Variants in HSBP1L1 observed in about 807,000 individuals in gnomAD.
HSBP1L1 encodes the protein heat shock factor-binding protein 1-like protein 1.
A neutral mutation model predicts 9.7 loss-of-function variants in HSBP1L1; 8 were observed. That is an observed-to-expected ratio of 0.82 (90% CI 0.48 to 1.48). The LOEUF (loss-of-function observed/expected upper bound fraction) is 1.48. Among genes scored for constraint, HSBP1L1 ranks in the 40% most tolerant of loss-of-function variants. HSBP1L1 has a pLI of 0.00. For missense variants in HSBP1L1, 106 were observed against 95.8 expected, an observed-to-expected ratio of 1.11 and a Z score of -0.44; for synonymous variants, 39 against 34.4, an observed-to-expected ratio of 1.13 and a Z score of -0.46.
chr18:79,964,707 C>G lies in HSBP1L1; in HGVS notation c.-29C>G. ...CGGGTCCGCGCGGCCCACGGGACCC[C>G]CCACTGACGCCCCCGGCCAGCGGTC... On this transcript the variant is annotated 5_prime_UTR_variant, in exon 1 of 4. Coordinates refer to ENST00000451882, the MANE Select transcript of HSBP1L1 (RefSeq NM_001136180.2). The G allele has an allele frequency of 7.3e-7, 1 of 1,362,194 alleles. No homozygotes were observed. The highest frequency in any genetic ancestry group is 1.5e-5 in the South Asian group (1 of 68,682). The allele number at this position is 1,362,194 out of a possible 1,614,324, so 84.4% of individuals were successfully genotyped here.
rs559426925 is a variant in HSBP1L1, at chr18:79,970,615, C to T, written c.*164C>T. 5.4e-5 allele frequency: 33 copies of T among 614,294 alleles called. No homozygotes were observed. In the East Asian group the frequency reaches 5.6e-4, roughly 10 times the overall value. 38.1% of individuals were successfully genotyped at this position (614,294 alleles called of 1,614,324 possible). On this transcript the variant is annotated 3_prime_UTR_variant, in exon 4 of 4. Coordinates refer to ENST00000451882, the MANE Select transcript of HSBP1L1 (RefSeq NM_001136180.2). The stretch of plus-strand genomic sequence containing the variant: ...TGCCTGCACCAGAGAAGGAGGCCAT[C>T]GGCAAGCCAAGGAGAGCCCTCCCCA...
At chr18:79,967,812 C>T in intron 2 of HSBP1L1, 1 of 318,674 alleles carries the variant, frequency 3.1e-6, no homozygotes, top group East Asian at 6.0e-5. Context: ...TTTTACATAC[C>T]CAGAGTTTGA....
chr18:79,969,394 A>AGAAAAG, intron 3 of HSBP1L1, among the ~76,000 whole-genome samples: 1 of 80,302 alleles, frequency 1.2e-5, no homozygotes, highest in South Asian at 5.4e-4. Context: ...AAAGAAAGAA[A>AGAAAAG]AAAAAACGAT....
At position 79,970,477 on chromosome 18, in the gene HSBP1L1, G is replaced by A. The variant is rs756187255; in HGVS notation, c.*26G>A. 1.8e-5 allele frequency: 13 copies of A among 718,352 alleles called. No individual in the cohort carries two copies. Among genetic ancestry groups the A allele is most frequent in the African/African-American group, 1.7e-4 (10 of 57,266 alleles). 44.5% of individuals were successfully genotyped at this position (718,352 alleles called of 1,614,324 possible). On this transcript the variant is annotated 3_prime_UTR_variant, in exon 4 of 4. Coordinates refer to ENST00000451882, the MANE Select transcript of HSBP1L1 (RefSeq NM_001136180.2). Reference sequence around the variant, plus strand: ...CTGCAGCATGTCTGTATTTGGAGATGGGGCCTCTACAGAAGTCATTAAGGT... The same window carrying A: ...CTGCAGCATGTCTGTATTTGGAGATAGGGCCTCTACAGAAGTCATTAAGGT...
intron 2 of HSBP1L1, 119 bp from the exon 3 acceptor site, chr18:79,967,970 G>C (rs369222596): frequency 1.6e-6 from 1 of 607,998 alleles, no homozygotes; most frequent in South Asian, 2.1e-5. Context: ...TAGGCCTGTC[G>C]TTGATTCCCT....
At chr18:79,969,361 AAG>A (rs1442996966) in intron 3 of HSBP1L1, among the ~76,000 whole-genome samples, 52 of 48,190 alleles carry the variant, frequency 1.1e-3, no homozygotes, top group African/African-American at 1.6e-3. Flanking sequence ...GAAAGAAAGA[AAG>A]AAAGAAAGAA....
chr18:79,964,964 G>A (rs1433729203), intron 1 of HSBP1L1, among the ~76,000 whole-genome samples, 178 bp downstream of exon 1: 1 of 146,462 alleles, frequency 6.8e-6, no homozygotes, highest in African/African-American at 2.5e-5. Flanking sequence ...GAGGAGTCCT[G>A]AGTGCCTGGG....
At chr18:79,970,302 TAC>T (rs1346353897) in intron 3 of HSBP1L1, 136 bp from the exon 4 acceptor site, 7 of 653,682 alleles carry the variant, frequency 1.1e-5, no homozygotes, top group African/African-American at 7.1e-5. Context: ...AAACTTGAAA[TAC>T]AGAGTCCAAA....
chr18:79,965,229 C>A (rs988318753), intron 1 of HSBP1L1, among the ~76,000 whole-genome samples: 6 of 152,202 alleles, frequency 3.9e-5, no homozygotes, highest in African/African-American at 1.4e-4. Context: ...TCCGGGAAAT[C>A]CTCCCGCTCC....
chr18:79,968,215 T>A (rs183630184), intron 3 of HSBP1L1, 32 bp downstream of exon 3: 267 of 1,312,276 alleles, frequency 2.0e-4, no homozygotes, highest in Non-Finnish European at 2.7e-4. Context: ...GTCAACCGTT[T>A]TCGTATGTTT....
At chr18:79,969,535 G>T (rs2051283762) in intron 3 of HSBP1L1, among the ~76,000 whole-genome samples, 1 of 152,170 alleles carries the variant, frequency 6.6e-6, no homozygotes, top group Non-Finnish European at 1.5e-5. Context: ...ATTTTTGGGT[G>T]TGGTCTGTTC....
At position 79,969,849 on chromosome 18, in the gene HSBP1L1, A is replaced by G. The variant is rs552072089; in HGVS notation, c.214-591A>G. On this transcript the variant is annotated intron_variant, in intron 3 of 3. Transcript: ENST00000451882. ...ATAGTCCTCTGATGATTTACTTTATATTTGACTAATATTGTTTCCAAACAA... is the reference window on the plus strand; with the variant it reads ...ATAGTCCTCTGATGATTTACTTTATGTTTGACTAATATTGTTTCCAAACAA... Among the ~76,000 whole-genome samples the G allele has an allele frequency of 3.3e-5, 5 of 152,202 alleles. No individual in the cohort carries two copies. In the East Asian group the frequency reaches 7.7e-4, roughly 23 times the overall value.
intron 1 of HSBP1L1, among the ~76,000 whole-genome samples, chr18:79,965,674 G>A (rs1046838061): frequency 6.6e-6 from 1 of 152,162 alleles, no homozygotes; most frequent in Non-Finnish European, 1.5e-5. Flanking sequence ...CTTGAGGAGC[G>A]CAGGGTCACG....
chr18:79,969,391 G>GAAAGA (rs1177594343), intron 3 of HSBP1L1, among the ~76,000 whole-genome samples: 3 of 92,970 alleles, frequency 3.2e-5, no homozygotes, highest in Non-Finnish European at 4.4e-5. Context: ...AAGAAAGAAA[G>GAAAGA]AAAAAAAAAC....
chr18:79,969,761 T>G (rs2051285468), intron 3 of HSBP1L1, among the ~76,000 whole-genome samples: 1 of 152,166 alleles, frequency 6.6e-6, no homozygotes, highest in Admixed American at 6.5e-5. Flanking sequence ...CCTTGCTTTT[T>G]TGTTCAGTAC....
rs201031741 is a variant in HSBP1L1, at chr18:79,966,555, A to C, written c.52-57A>C. The C allele has an allele frequency of 2.1e-4, 283 of 1,343,154 alleles. No homozygotes were observed. The African/African-American group carries it at 2.1e-3, about 10-fold the overall frequency. 83.2% of individuals were successfully genotyped at this position (1,343,154 alleles called of 1,614,324 possible). On this transcript the variant is annotated intron_variant, in intron 1 of 3. Coordinates refer to ENST00000451882, the MANE Select transcript of HSBP1L1 (RefSeq NM_001136180.2). ...AAGACTTCATCTCAGAAAAAAAAAA[A>C]AACTCATATGCCAACAGTAAATATT...
chr18:79,966,549 AAAAAAAAACTC>A, intron 1 of HSBP1L1, 52 bp from the exon 2 acceptor site: 1 of 1,312,834 alleles, frequency 7.6e-7, no homozygotes, highest in South Asian at 1.3e-5. Flanking sequence ...TCTCAGAAAA[AAAAAAAAACTC>A]ATATGCCAAC....
At chr18:79,967,126 T>G (rs4799112) in intron 2 of HSBP1L1, among the ~76,000 whole-genome samples, 29 of 144,968 alleles carry the variant, frequency 2.0e-4, no homozygotes, top group Middle Eastern at 3.8e-3. Flanking sequence ...CCAGCCTGGG[T>G]GACAGAGCGA....
At chr18:79,965,482 G>A (rs2051252281) in intron 1 of HSBP1L1, among the ~76,000 whole-genome samples, 1 of 152,132 alleles carries the variant, frequency 6.6e-6, no homozygotes, top group African/African-American at 2.4e-5. Flanking sequence ...GGAGAATTTT[G>A]TGCTTCTCAG....
Sources: gnomAD v4.1 joint callset for allele counts (sites outside exome capture counted in the v4.1 genomes callset) on GRCh38, gnomAD v4.1.1 for gene constraint, MANE v1.5 for transcripts, NCBI Gene and HGNC (gene_info 2026-07-23, HGNC 2026-07-21) for gene names.